Variants in BRICD5 observed in about 807,000 individuals in gnomAD.
The protein encoded by BRICD5 is BRICHOS domain-containing protein 5.
A neutral mutation model predicts 28.4 loss-of-function variants in BRICD5; 51 were observed. That is an observed-to-expected ratio of 1.80 (90% CI 1.43 to 2.27). The LOEUF is 2.27. Ranked by LOEUF, BRICD5 falls within the 30% of genes most tolerant of loss-of-function variation. The probability of loss-of-function intolerance (pLI) is 0.00; values close to 1 mark genes in which losing one functional copy is unlikely to be tolerated. For missense variants in BRICD5, 456 were observed against 309.6 expected, an observed-to-expected ratio of 1.47 and a Z score of -3.55; for synonymous variants, 177 against 130.2, an observed-to-expected ratio of 1.36 and a Z score of -2.44.
rs772803000 is a variant in BRICD5, at chr16:2,210,523, T to G, written c.179A>C (p.Lys60Thr). ...CCCTGGTGCTGAGGAGGGGCTCACC[T>G]TGGGAGGGCCCTGAGCAGAGCCAAG... ...GLLGSAQGPP[K>T]PRLQTLRMTL... The change falls in exon 2 of 6, where the codon AAG (lysine) becomes ACG (threonine). Residue 60 changes from lysine (K) to threonine (T), a missense_variant and splice_region_variant. Physicochemically the swap from Lys to Thr is moderately conservative, Grantham distance 78 (BLOSUM62 -1). Transcript: ENST00000328540. 5.0e-6 allele frequency: 8 copies of G among 1,604,644 alleles called. No individual in the cohort carries two copies. The South Asian group carries it at 8.9e-5, about 18-fold the overall frequency.
rs1453491630 is a variant in BRICD5, at chr16:2,210,152, A to C, written c.310T>G (p.Trp104Gly). The change falls in exon 3 of 6, where the codon TGG (tryptophan) becomes GGG (glycine). Residue 104 changes from tryptophan to glycine, a missense_variant. By Grantham distance (184) the Trp-to-Gly change is radical. Coordinates refer to ENST00000328540, the MANE Select transcript of BRICD5 (RefSeq NM_182563.4). ...CTCTGCCCGTCGAACAGCACCGCCC[A>C]GCTGTGGTTGCTCTGAGGTGGGGTC... Reference protein sequence around the residue: ...TVTPPQSNHSWAVLFDGQSGC... With the variant: ...TVTPPQSNHSGAVLFDGQSGC... 1 of 1,609,128 alleles carries C rather than the reference A, an allele frequency of 6.2e-7. No homozygotes were observed. Among genetic ancestry groups the C allele is most frequent in the East Asian group, 2.2e-5 (1 of 44,782 alleles).
In BRICD5 at chr16:2,210,622, CA is replaced by C. The variant is rs1567285882; in HGVS notation, c.79del (p.Trp27GlyfsTer4). ...GVKTKPSCGG[W>X]RAVSLLLLLL... ...CAGCAGGAGCAGGCTCACGGCTCTC[CA>C]GCCCCCGCAGGAGGGCTTGGTCTTC... On this transcript the variant is annotated frameshift_variant, in exon 2 of 6. Coordinates refer to ENST00000328540, the MANE Select transcript of BRICD5 (RefSeq NM_182563.4). LOFTEE classifies it high-confidence loss of function. The C allele has an allele frequency of 6.2e-7, 1 of 1,612,254 alleles. No homozygotes were observed. Among genetic ancestry groups the C allele is most frequent in the Non-Finnish European group, 8.5e-7 (1 of 1,179,466 alleles).
Position 2,210,843 on chromosome 16 carries a change from C to T in BRICD5, c.-10G>A, listed in dbSNP as rs376743515. On this transcript the variant is annotated 5_prime_UTR_variant, in exon 1 of 6. Coordinates refer to ENST00000328540, the MANE Select transcript of BRICD5 (RefSeq NM_182563.4). The stretch of plus-strand genomic sequence containing the variant: ...AGCTTGCTGGTTCCATCCTGCAGCC[C>T]CTGCTCACAATGTGCCGATTGTCTG... 1.9e-6 allele frequency: 3 copies of T among 1,601,256 alleles called. No individual in the cohort carries two copies. The highest frequency in any genetic ancestry group is 1.7e-5 in the Admixed American group (1 of 60,006).
intron 2 of BRICD5, 93 bp downstream of exon 2, chr16:2,210,429 G>A: frequency 1.3e-6 from 2 of 1,538,786 alleles, no homozygotes; most frequent in East Asian, 2.3e-5. Context: ...GTCACTGCCT[G>A]CTCCGCACCC....
Position 2,209,257 on chromosome 16 carries a change from G to A in BRICD5, c.*105C>T. 1 of 1,081,338 alleles carries A rather than the reference G, an allele frequency of 9.2e-7. No individual in the cohort carries two copies. The highest frequency in any genetic ancestry group is 1.5e-5 in the South Asian group (1 of 67,856). The allele number at this position is 1,081,338 out of a possible 1,614,324, so 67.0% of individuals were successfully genotyped here. On this transcript the variant is annotated 3_prime_UTR_variant, in exon 6 of 6. Transcript: ENST00000328540. ...ATAGAGAACACCACCACCATGGCCAGGTGGAAGGGTTTATTAGTCCCTGCC... is the reference window on the plus strand; with the variant it reads ...ATAGAGAACACCACCACCATGGCCAAGTGGAAGGGTTTATTAGTCCCTGCC...
rs1455344683 is a variant in BRICD5 at position 2,209,590 on chromosome 16, G to T, written c.555C>A (p.Cys185Ter). Residue 185 changes from cysteine to a stop codon, truncating the protein, a stop_gained, in exon 5 of 6, where the codon TGC (cysteine) becomes TGA (stop). Transcript: ENST00000328540. LOFTEE classifies it high-confidence loss of function. ...AQAGALVQRL[C>*]MRTPIYWARR... is the part of the protein sequence containing the mutation. ...GGGCCCAGTAGATGGGGGTCCTCAT[G>T]CACAGGCGCTGCACCAAAGCCCCCG... 1.9e-6 allele frequency: 3 copies of T among 1,612,316 alleles called. No homozygotes were observed. The highest frequency in any genetic ancestry group is 2.5e-6 in the Non-Finnish European group (3 of 1,179,988).
At chr16:2,210,077 G>A (rs1019402449) in intron 3 of BRICD5, 26 bp from the exon 4 acceptor site, 5 of 1,601,938 alleles carry the variant, frequency 3.1e-6, no homozygotes, top group East Asian at 2.3e-5. Context: ...GGTGAGGCGG[G>A]GCCCCCCAGA....
rs753955910 is a variant in BRICD5 at position 2,210,597 on chromosome 16, C to G, written c.105G>C (p.Leu35=). 1.5e-5 allele frequency: 24 copies of G among 1,612,552 alleles called. No homozygotes were observed. Among genetic ancestry groups the G allele is most frequent in the South Asian group, 2.2e-5 (2 of 91,042 alleles). The change falls in exon 2 of 6, where the codon CTG becomes CTC. Residue 35 remains leucine, a synonymous_variant. Coordinates refer to ENST00000328540, the MANE Select transcript of BRICD5 (RefSeq NM_182563.4). ...GGWRAVSLLL[L]LLLLVLAAVG... ...CAGCGGCCAGCACCAGCAGCAGCAGCAGCAGGAGCAGGCTCACGGCTCTCC... is the reference window on the plus strand; with the variant it reads ...CAGCGGCCAGCACCAGCAGCAGCAGGAGCAGGAGCAGGCTCACGGCTCTCC...
At position 2,210,267 on chromosome 16, in the gene BRICD5, C is replaced by G; in HGVS notation, c.195G>C (p.Thr65=). Residue 65 remains threonine (T), a synonymous_variant, in exon 3 of 6, where the codon ACG becomes ACC. Coordinates refer to ENST00000328540, the MANE Select transcript of BRICD5 (RefSeq NM_182563.4). The stretch of plus-strand genomic sequence containing the variant: ...GGGGGCTCGGGAGGGTCATTCGCAG[C>G]GTCTGCAGCCTTGGCTGGCAGTGGG... ...AQGPPKPRLQ[T]LRMTLPSPHM... is the part of the protein sequence containing the mutation. The G allele has an allele frequency of 6.5e-7, 1 of 1,533,752 alleles. No homozygotes were observed. Among genetic ancestry groups the G allele is most frequent in the Admixed American group, 2.0e-5 (1 of 51,168 alleles).
At chr16:2,209,771 G>T in intron 4 of BRICD5, 65 bp from the exon 5 acceptor site, 2 of 1,496,412 alleles carry the variant, frequency 1.3e-6, no homozygotes, top group South Asian at 1.3e-5. Flanking sequence ...TGGCAGGGCC[G>T]GGTACCCTCC....
Position 2,209,539 on chromosome 16 carries a change from C to G in BRICD5, c.592+14G>C. On this transcript the variant is annotated intron_variant, in intron 5 of 5. Transcript: ENST00000328540. ...CCGAGGGCCTGGCCTTCCCCCACAG[C>G]GGTCCTGACTCACCCTCTGCTCGCC... 1.9e-6 allele frequency: 3 copies of G among 1,612,180 alleles called. No homozygotes were observed. Among genetic ancestry groups the G allele is most frequent in the South Asian group, 1.1e-5 (1 of 91,088 alleles).
chr16:2,210,168 AGGT>A lies in BRICD5; in HGVS notation c.291_293del (p.Pro98del), dbSNP rs1460632988. The A allele has an allele frequency of 6.2e-7, 1 of 1,607,828 alleles. No individual in the cohort carries two copies. Among genetic ancestry groups the A allele is most frequent in the Non-Finnish European group, 8.5e-7 (1 of 1,178,302 alleles). ...GCACCGCCCAGCTGTGGTTGCTCTG[AGGT>A]GGGGTCACTGTGATGGTCGCCGCGT... On this transcript the variant is annotated inframe_deletion, in exon 3 of 6. Transcript: ENST00000328540.
Position 2,209,643 on chromosome 16 carries a change from C to T in BRICD5, c.502G>A (p.Gly168Arg), listed in dbSNP as rs1262335459. 2 of 1,613,426 alleles carry T rather than the reference C, an allele frequency of 1.2e-6. No homozygotes were observed. Among genetic ancestry groups the T allele is most frequent in the Middle Eastern group, 1.7e-4 (1 of 6,036 alleles). ...TGGGCGGGGTCCACTTCGAGGCTCC[C>T]CTGCACTGCCAGCAGCTCCTGGGTG... Reference protein sequence around the residue: ...HHTQELLAVQGSLEVDPAQAG... With the variant: ...HHTQELLAVQRSLEVDPAQAG... The change falls in exon 5 of 6, where the codon GGG (glycine) becomes AGG (arginine). Residue 168 changes from glycine to arginine, a missense_variant. Coordinates refer to ENST00000328540, the MANE Select transcript of BRICD5 (RefSeq NM_182563.4).
Position 2,209,300 on chromosome 16 carries a change from G to T in BRICD5, c.*62C>A. Reference sequence around the variant, plus strand: ...TCCCTGCCAGCAGCTGTCCTCCCTGGTGCAGGTGGCCTGGCCAGCCCACTG... The same window carrying T: ...TCCCTGCCAGCAGCTGTCCTCCCTGTTGCAGGTGGCCTGGCCAGCCCACTG... On this transcript the variant is annotated 3_prime_UTR_variant, in exon 6 of 6. Transcript: ENST00000328540. 2 of 1,445,066 alleles carry T rather than the reference G, an allele frequency of 1.4e-6. No homozygotes were observed. The highest frequency in any genetic ancestry group is 1.9e-6 in the Non-Finnish European group (2 of 1,038,012). 89.5% of individuals were successfully genotyped at this position (1,445,066 alleles called of 1,614,324 possible).
Position 2,209,994 on chromosome 16 carries a change from C to A in BRICD5, c.394G>T (p.Asp132Tyr), listed in dbSNP as rs771654663. The A allele has an allele frequency of 1.9e-6, 3 of 1,552,682 alleles. No individual in the cohort carries two copies. Among genetic ancestry groups the A allele is most frequent in the Non-Finnish European group, 2.6e-6 (3 of 1,144,594 alleles). The change falls in exon 4 of 6, where the codon GAC (aspartate) becomes TAC (tyrosine). Residue 132 changes from aspartate to tyrosine, a missense_variant. Physicochemically the swap from Asp to Tyr is radical, Grantham distance 160. Coordinates refer to ENST00000328540, the MANE Select transcript of BRICD5 (RefSeq NM_182563.4). ...AGCCGCAGGGTCTCCCGATCACTGT[C>A]CTCCATCAGGCGGAGGAAGCAGACC... ...HQVCFLRLME[D>Y]SDRETLRLLV...
intron 2 of BRICD5, 28 bp from the exon 3 acceptor site, chr16:2,210,309 G>T: frequency 6.6e-7 from 1 of 1,507,478 alleles, no homozygotes; most frequent in East Asian, 2.5e-5. Flanking sequence ...AGTTCAGCCG[G>T]GCAGCTGTGC....
rs1229205233 is a variant in BRICD5, at chr16:2,210,117, C to T, written c.336+9G>A. 16 of 1,607,108 alleles carry T rather than the reference C, an allele frequency of 1.0e-5. No homozygotes were observed. Among genetic ancestry groups the T allele is most frequent in the African/African-American group, 1.3e-5 (1 of 74,870 alleles). On this transcript the variant is annotated intron_variant, in intron 3 of 5. Transcript: ENST00000328540. ...CACCTGCCAGGGTGACCCCTCCCTGCCCACTCACGCTCTGCCCGTCGAACA... is the reference window on the plus strand; with the variant it reads ...CACCTGCCAGGGTGACCCCTCCCTGTCCACTCACGCTCTGCCCGTCGAACA...
At position 2,209,432 on chromosome 16, in the gene BRICD5, TAAATCAGCC is replaced by T. The variant is rs976812717; in HGVS notation, c.608_616del (p.Arg203_Tyr206delinsHis). Reference sequence around the variant, plus strand: ...CGGGAAGCAGATGTCGATGCAGAGATAAATCAGCCGCTGTCTCCGGGGCCCTGTGGCGAG... The same window carrying T: ...CGGGAAGCAGATGTCGATGCAGAGATGCTGTCTCCGGGGCCCTGTGGCGAG... On this transcript the variant is annotated inframe_deletion, in exon 6 of 6. Coordinates refer to ENST00000328540, the MANE Select transcript of BRICD5 (RefSeq NM_182563.4). 6.2e-7 allele frequency: 1 copy of T among 1,613,614 alleles called. No individual in the cohort carries two copies. The highest frequency in any genetic ancestry group is 8.5e-7 in the Non-Finnish European group (1 of 1,180,002).
In BRICD5 at chr16:2,209,421, C is replaced by T. The variant is rs142825627; in HGVS notation, c.628G>A (p.Asp210Asn). 4.3e-5 allele frequency: 70 copies of T among 1,613,698 alleles called. No individual in the cohort carries two copies. The highest frequency in any genetic ancestry group is 6.6e-5 in the South Asian group (6 of 91,092). ...RRQRLIYLCI[D>N]ICFPSNICVS... ...CAGATGTTGCTCGGGAAGCAGATGT[C>T]GATGCAGAGATAAATCAGCCGCTGT... Residue 210 changes from aspartate (D) to asparagine (N), a missense_variant, in exon 6 of 6, where the codon GAC becomes AAC. Physicochemically the swap from Asp to Asn is conservative, Grantham distance 23. Transcript: ENST00000328540.
Sources: allele counts gnomAD v4.1 joint callset, GRCh38; gene constraint gnomAD v4.1.1; transcripts MANE v1.5; gene names NCBI Gene and HGNC (gene_info 2026-07-23, HGNC 2026-07-21).